Variants in SAAL1 observed in about 807,000 individuals in gnomAD.
The protein encoded by SAAL1 is protein SAAL1.
Under a neutral mutation model 59.8 loss-of-function variants are expected in SAAL1, and 42 were observed. The observed-to-expected ratio is 0.70, with a 90% CI of 0.55 to 0.91. SAAL1 has a LOEUF of 0.91. SAAL1 is among the 40% of genes least tolerant of loss of function. The pLI, the probability that SAAL1 is intolerant of heterozygous loss-of-function variation, is 0.00. For synonymous variants in SAAL1, 191 were observed against 194.3 expected (o/e 0.98, Z 0.14); for missense variants, 542 against 561.1 (o/e 0.97, Z 0.34).
chr11:18,096,415 C>T lies in SAAL1; in HGVS notation c.333+356G>A, dbSNP rs375177834. Among the ~76,000 whole-genome samples, 31 of 151,670 alleles carry T rather than the reference C, an allele frequency of 2.0e-4. No homozygotes were observed. The South Asian group carries it at 3.3e-3, about 16-fold the overall frequency. On this transcript the variant is annotated intron_variant, in intron 3 of 11. Transcript: ENST00000524803. Reference sequence around the variant, plus strand: ...GGCAACATAAGGAGACCTTTGTCTCCACAAAATAAAAATAAAAATTAGCTG... The same window carrying T: ...GGCAACATAAGGAGACCTTTGTCTCTACAAAATAAAAATAAAAATTAGCTG...
In SAAL1 at chr11:18,080,321, T is replaced by C. The variant is rs1285270796; in HGVS notation, c.*78A>G. The C allele has an allele frequency of 3.8e-5, 35 of 919,778 alleles. No individual in the cohort carries two copies. The highest frequency in any genetic ancestry group is 1.0e-5 in the Non-Finnish European group (6 of 591,972). 57.0% of individuals were successfully genotyped at this position (919,778 alleles called of 1,614,324 possible). A position where few individuals can be genotyped will look rare whatever the true frequency, so the allele number is the denominator to read the frequency against. On this transcript the variant is annotated 3_prime_UTR_variant, in exon 12 of 12. Transcript: ENST00000524803. ...GGTCTAATATGGGCTTTAGTTAATA[T>C]TTCCAATAAGTCAATTTCAACTGTC...
Position 18,105,887 on chromosome 11 carries a change from C to T in SAAL1, c.135+20G>A. 1.9e-6 allele frequency: 3 copies of T among 1,577,610 alleles called. No homozygotes were observed. The highest frequency in any genetic ancestry group is 4.7e-5 in the East Asian group (2 of 42,936). On this transcript the variant is annotated intron_variant, in intron 1 of 11. Coordinates refer to ENST00000524803, the MANE Select transcript of SAAL1 (RefSeq NM_138421.3). ...CTGGGGGATGTAGGGACACCCCACGCGTGGCGCGAGTTTCCACACCTGGAT... is the reference window on the plus strand; with the variant it reads ...CTGGGGGATGTAGGGACACCCCACGTGTGGCGCGAGTTTCCACACCTGGAT...
chr11:18,098,729 T>A (rs764135042), intron 2 of SAAL1, among the ~76,000 whole-genome samples: 1 of 152,222 alleles, frequency 6.6e-6, no homozygotes, highest in Non-Finnish European at 1.5e-5. Flanking sequence ...CACTCTAAAC[T>A]GAAAGTCATA....
intron 2 of SAAL1, among the ~76,000 whole-genome samples, chr11:18,097,837 GGA>G (rs1491396406): frequency 3.5e-5 from 4 of 113,362 alleles, no homozygotes; most frequent in African/African-American, 1.6e-4. Context: ...GAGAAAAAAA[GGA>G]AAAAAAAAAA....
chr11:18,096,263 A>G (rs1413515533), intron 3 of SAAL1, among the ~76,000 whole-genome samples: 2 of 151,924 alleles, frequency 1.3e-5, no homozygotes, highest in African/African-American at 2.4e-5. Flanking sequence ...ATAATTTTAA[A>G]TTATTAAATT....
Position 18,089,227 on chromosome 11 carries a change from G to A in SAAL1, c.770+103C>T. ...AATTAACGTAACAAGGAGTGACTAT[G>A]TACTTTATTCTGTTGTAAGGAATAT... On this transcript the variant is annotated intron_variant, in intron 7 of 11. Coordinates refer to ENST00000524803, the MANE Select transcript of SAAL1 (RefSeq NM_138421.3). 3.0e-6 allele frequency: 3 copies of A among 990,944 alleles called. No homozygotes were observed. The South Asian group carries it at 6.0e-5, about 20-fold the overall frequency. 61.4% of individuals were successfully genotyped at this position (990,944 alleles called of 1,614,324 possible). A position where few individuals can be genotyped will look rare whatever the true frequency, so the allele number is the denominator to read the frequency against.
In SAAL1 at chr11:18,095,358, T is replaced by C. The variant is rs185478929; in HGVS notation, c.333+1413A>G. 5.3e-5 allele frequency among the ~76,000 whole-genome samples: 8 copies of C among 152,312 alleles called. No individual in the cohort carries two copies. In the East Asian group the frequency reaches 1.5e-3, roughly 29 times the overall value. On this transcript the variant is annotated intron_variant, in intron 3 of 11. Transcript: ENST00000524803. ...AAAATAGCATAATCATCAAATCTTATATTAATATAAGGAATCAAGGAAAAA... is the reference window on the plus strand; with the variant it reads ...AAAATAGCATAATCATCAAATCTTACATTAATATAAGGAATCAAGGAAAAA...
rs910614107 is a variant in SAAL1 at position 18,081,435 on chromosome 11, G to T, written c.1308C>A (p.Asn436Lys). The T allele has an allele frequency of 3.1e-6, 5 of 1,613,786 alleles. No individual in the cohort carries two copies. The African/African-American group carries it at 6.7e-5, about 22-fold the overall frequency. The change falls in exon 11 of 12, where the codon AAC (asparagine) becomes AAA (lysine). Residue 436 changes from asparagine (N) to lysine (K), a missense_variant. Asn to Lys is a moderately conservative substitution (Grantham distance 94, BLOSUM62 0). Transcript: ENST00000524803. ...SKQKCSSAFQ[N>K]LLPFYSPVVE... ...CCACAGGGCTATAGAAAGGAAGAAG[G>T]TTTTGAAATGCAGAGGAACACTTCT...
At chr11:18,096,609 T>C (rs1211742398) in intron 3 of SAAL1, among the ~76,000 whole-genome samples, 162 bp downstream of exon 3, 1 of 151,900 alleles carries the variant, frequency 6.6e-6, no homozygotes, top group African/African-American at 2.4e-5. Flanking sequence ...TAAATTTAAA[T>C]AGCAAATTAC....
chr11:18,091,003 T>C (rs2134059555), intron 4 of SAAL1: 1 of 152,566 alleles, frequency 6.6e-6, no homozygotes, highest in African/African-American at 2.4e-5. Context: ...ATGTTGTTTC[T>C]TTAGCTGTTA....
In SAAL1 at chr11:18,081,438, T is replaced by A; in HGVS notation, c.1305A>T (p.Gln435His). ...CAGGGCTATAGAAAGGAAGAAGGTTTTGAAATGCAGAGGAACACTTCTGTT... is the reference window on the plus strand; with the variant it reads ...CAGGGCTATAGAAAGGAAGAAGGTTATGAAATGCAGAGGAACACTTCTGTT... ...LSKQKCSSAFQNLLPFYSPVV... is the reference protein window; with the variant it reads ...LSKQKCSSAFHNLLPFYSPVV... Residue 435 changes from glutamine to histidine, a missense_variant, in exon 11 of 12, where the codon CAA becomes CAT. Transcript: ENST00000524803. 1 of 1,614,066 alleles carries A rather than the reference T, an allele frequency of 6.2e-7. No individual in the cohort carries two copies. The highest frequency in any genetic ancestry group is 8.5e-7 in the Non-Finnish European group (1 of 1,179,924).
chr11:18,083,524 T>G lies in SAAL1; in HGVS notation c.1239+11A>C. 6.6e-7 allele frequency: 1 copy of G among 1,515,846 alleles called. No individual in the cohort carries two copies. Among genetic ancestry groups the G allele is most frequent in the South Asian group, 1.2e-5 (1 of 85,064 alleles). The allele number at this position is 1,515,846 out of a possible 1,614,324, so 93.9% of individuals were successfully genotyped here. ...CTTTTGCTTATGACATCATCAATACTTCTTTCCTACCTTTGTTAATGCCTG... is the reference window on the plus strand; with the variant it reads ...CTTTTGCTTATGACATCATCAATACGTCTTTCCTACCTTTGTTAATGCCTG... On this transcript the variant is annotated intron_variant, in intron 10 of 11. Coordinates refer to ENST00000524803, the MANE Select transcript of SAAL1 (RefSeq NM_138421.3).
chr11:18,085,178 CAG>C (rs1359977925), intron 9 of SAAL1, among the ~76,000 whole-genome samples: 1 of 152,084 alleles, frequency 6.6e-6, no homozygotes, highest in African/African-American at 2.4e-5. Context: ...TATTTTACAC[CAG>C]AGACTCTAGG....
intron 7 of SAAL1, among the ~76,000 whole-genome samples, chr11:18,087,742 A>G (rs1848481617): frequency 2.0e-5 from 3 of 152,256 alleles, no homozygotes; most frequent in Admixed American, 2.0e-4. Flanking sequence ...TGGAAACTCA[A>G]AATCTTAGTT....
At chr11:18,089,213 C>T in intron 7 of SAAL1, 117 bp downstream of exon 7, 1 of 858,632 alleles carries the variant, frequency 1.2e-6, no homozygotes, top group Non-Finnish European at 1.7e-6. Context: ...ATTAACGTAA[C>T]AAGGAGTGAC....
chr11:18,102,315 T>C (rs1287282800), intron 2 of SAAL1, among the ~76,000 whole-genome samples: 1 of 151,120 alleles, frequency 6.6e-6, no homozygotes, highest in Non-Finnish European at 1.5e-5. Flanking sequence ...GGCAGGAGAA[T>C]CACTTGAGCC....
intron 7 of SAAL1, among the ~76,000 whole-genome samples, chr11:18,088,685 C>A (rs1051720608): frequency 1.3e-5 from 2 of 152,064 alleles, no homozygotes; most frequent in African/African-American, 4.8e-5. Flanking sequence ...CTACATTATC[C>A]AAATAGGATA....
rs771121060 is a variant in SAAL1, at chr11:18,081,434, G to C, written c.1309C>G (p.Leu437Val). 2 of 1,613,884 alleles carry C rather than the reference G, an allele frequency of 1.2e-6. No homozygotes were observed. The highest frequency in any genetic ancestry group is 1.7e-6 in the Non-Finnish European group (2 of 1,179,790). Residue 437 changes from leucine (L) to valine (V), a missense_variant, in exon 11 of 12, where the codon CTT (leucine) becomes GTT (valine). Transcript: ENST00000524803. ...ACCACAGGGCTATAGAAAGGAAGAA[G>C]GTTTTGAAATGCAGAGGAACACTTC... Reference protein sequence around the residue: ...KQKCSSAFQNLLPFYSPVVED... With the variant: ...KQKCSSAFQNVLPFYSPVVED...
At chr11:18,102,721 T>C (rs1410882641) in intron 2 of SAAL1, among the ~76,000 whole-genome samples, 1 of 152,160 alleles carries the variant, frequency 6.6e-6, no homozygotes, top group East Asian at 1.9e-4. Context: ...AACTGTAAAA[T>C]AAGGGTACTA....
Sources: gnomAD v4.1 joint callset for allele counts (sites outside exome capture counted in the v4.1 genomes callset) on GRCh38, gnomAD v4.1.1 for gene constraint, MANE v1.5 for transcripts, NCBI Gene and HGNC (gene_info 2026-07-23, HGNC 2026-07-21) for gene names.